Variants in BLTP3B observed in about 807,000 individuals in gnomAD.
BLTP3B encodes UHRF1 (ICBP90) binding protein 1-like.
the BLTP3B span, among the ~76,000 whole-genome samples, chr12:100,068,209 C>T: frequency 6.6e-6 from 1 of 152,202 alleles, no homozygotes; most frequent in Non-Finnish European, 1.5e-5. Context: ...TTACAGCTAA[C>T]TGATCTTCAA....
chr12:100,071,271 C>G, the BLTP3B span, among the ~76,000 whole-genome samples: 979 of 152,078 alleles, frequency 6.4e-3, 10 homozygotes, highest in African/African-American at 0.022. Context: ...CTGAGGTAGG[C>G]AGACCACTTG....
chr12:100,138,866 TACACAC>T, the BLTP3B span, among the ~76,000 whole-genome samples: 8,436 of 150,690 alleles, frequency 0.056, 736 homozygotes, highest in African/African-American at 0.19. Flanking sequence ...CACATACACA[TACACAC>T]ACACACACAC....
At chr12:100,126,740 C>T in the BLTP3B span, among the ~76,000 whole-genome samples, 1 of 151,696 alleles carries the variant, frequency 6.6e-6, no homozygotes, top group Admixed American at 6.6e-5. Flanking sequence ...AGTATGAGAC[C>T]CAAAGGAGAT....
chr12:100,057,829 G>T, the BLTP3B span: 1 of 1,370,608 alleles, frequency 7.3e-7, no homozygotes, highest in South Asian at 1.4e-5. Context: ...ATTAAAATAT[G>T]TATATAGCAT....
the BLTP3B span, among the ~76,000 whole-genome samples, chr12:100,064,163 A>C: frequency 2.0e-5 from 3 of 152,210 alleles, no homozygotes; most frequent in African/African-American, 7.2e-5. Context: ...CAGCAATAGA[A>C]TTGAACAAGT....
chr12:100,118,017 T>C, the BLTP3B span, among the ~76,000 whole-genome samples: 1 of 152,144 alleles, frequency 6.6e-6, no homozygotes, highest in African/African-American at 2.4e-5. Context: ...TGTGTATCGA[T>C]TTTATAGAGC....
chr12:100,097,911 A>G, the BLTP3B span, among the ~76,000 whole-genome samples: 15 of 152,168 alleles, frequency 9.9e-5, no homozygotes, highest in African/African-American at 3.6e-4. Flanking sequence ...TTTATAAATG[A>G]ATGATTAAGA....
the BLTP3B span, among the ~76,000 whole-genome samples, chr12:100,136,617 T>C: frequency 1.3e-5 from 2 of 152,174 alleles, no homozygotes; most frequent in Non-Finnish European, 2.9e-5. Context: ...CTATCAGTAA[T>C]GATGTGAAGT....
the BLTP3B span, among the ~76,000 whole-genome samples, chr12:100,076,477 T>C: frequency 3.5e-5 from 5 of 141,222 alleles, no homozygotes; most frequent in Non-Finnish European, 7.6e-5. Context: ...CACAACAACC[T>C]CTGCCTCCTG....
At chr12:100,108,625 G>T in the BLTP3B span, 15 of 1,251,200 alleles carry the variant, frequency 1.2e-5, no homozygotes, top group Non-Finnish European at 1.6e-5. Flanking sequence ...AATATACAGA[G>T]AACTAAAAAT....
chr12:100,142,361 G>A, the BLTP3B span, among the ~76,000 whole-genome samples: 1 of 152,096 alleles, frequency 6.6e-6, no homozygotes, highest in Non-Finnish European at 1.5e-5. Flanking sequence ...GGGCTCCTCC[G>A]CGCGCCCACC....
chr12:100,053,599 A>G, the BLTP3B span, among the ~76,000 whole-genome samples: 34 of 152,208 alleles, frequency 2.2e-4, no homozygotes, highest in African/African-American at 7.2e-4. Context: ...CTTTTTGTAT[A>G]CACATACCTT....
At chr12:100,120,921 TA>T in the BLTP3B span, among the ~76,000 whole-genome samples, 1 of 152,152 alleles carries the variant, frequency 6.6e-6, no homozygotes, top group Non-Finnish European at 1.5e-5. Flanking sequence ...GGTAAACGGA[TA>T]AATTGTGGTA....
the BLTP3B span, among the ~76,000 whole-genome samples, chr12:100,087,624 A>T: frequency 6.6e-6 from 1 of 152,248 alleles, no homozygotes; most frequent in Admixed American, 6.5e-5. Flanking sequence ...AAAAAAAAGT[A>T]TTGGCATAAG....
At chr12:100,076,063 T>A in the BLTP3B span, among the ~76,000 whole-genome samples, 1 of 150,992 alleles carries the variant, frequency 6.6e-6, no homozygotes, top group Non-Finnish European at 1.5e-5. Context: ...TCATGCAATA[T>A]AAAAATGTAA....
chr12:100,048,738 G>A, the BLTP3B span, among the ~76,000 whole-genome samples: 1 of 122,970 alleles, frequency 8.1e-6, no homozygotes, highest in East Asian at 2.5e-4. Flanking sequence ...AGGGGGGGGA[G>A]AGAGAGAGAG....
chr12:100,100,091 C>T, the BLTP3B span, among the ~76,000 whole-genome samples: 1 of 151,800 alleles, frequency 6.6e-6, no homozygotes, highest in Non-Finnish European at 1.5e-5. Context: ...TCACTTTAGC[C>T]CAGGAGTTCC....
At chr12:100,102,724 T>G in the BLTP3B span, 2 of 1,157,756 alleles carry the variant, frequency 1.7e-6, no homozygotes, top group Non-Finnish European at 1.2e-6. Flanking sequence ...TTTTTTAATG[T>G]CCTGTTATTG....
chr12:100,129,580 A>G, the BLTP3B span, among the ~76,000 whole-genome samples: 3 of 152,218 alleles, frequency 2.0e-5, no homozygotes, highest in East Asian at 5.8e-4. Context: ...TTAACAAAAA[A>G]CAAGGCATTT....
Sources: allele counts gnomAD v4.1 joint callset (sites outside exome capture counted in the v4.1 genomes callset), GRCh38; gene constraint gnomAD v4.1.1; transcripts MANE v1.5; gene names NCBI Gene and HGNC (gene_info 2026-07-23, HGNC 2026-07-21).